DESI1: variants seen among roughly 807,000 people sequenced by gnomAD.
DESI1 encodes the protein PPPDE peptidase domain containing 2.
Under a neutral mutation model 22.4 loss-of-function variants are expected in DESI1, and 17 were observed. The observed-to-expected ratio is 0.76, with a 90% CI of 0.52 to 1.14. The LOEUF (loss-of-function observed/expected upper bound fraction) is 1.14, where lower values mean the gene tolerates loss of function less well. DESI1 is among the 50% of genes most tolerant of loss of function. DESI1 has a pLI of 0.00. For synonymous variants in DESI1, 92 were observed against 84.2 expected (o/e 1.09, Z -0.51); for missense variants, 177 against 208.9 (o/e 0.85, Z 0.94).
intron 1 of DESI1, among the ~76,000 whole-genome samples, chr22:41,612,196 G>A (rs1160493125): frequency 6.6e-6 from 1 of 152,078 alleles, no homozygotes; most frequent in Non-Finnish European, 1.5e-5. Flanking sequence ...AATAGTGAAT[G>A]GTATAGAACG....
chr22:41,607,954 A>G, intron 1 of DESI1, 93 bp from the exon 2 acceptor site: 1 of 1,441,372 alleles, frequency 6.9e-7, no homozygotes, highest in Non-Finnish European at 9.7e-7. Flanking sequence ...ACCCAGGGTA[A>G]CCTGTCATAA....
In DESI1 at chr22:41,620,804, G is replaced by T. The variant is rs375941833; in HGVS notation, c.36C>A (p.Tyr12Ter). Reference sequence around the variant, plus strand: ...CCAGGCCTTTGGACAGGTCGTACACGTAGAGCTTCACCGGATAGAGATTCG... The same window carrying T: ...CCAGGCCTTTGGACAGGTCGTACACTTAGAGCTTCACCGGATAGAGATTCG... ...EPPNLYPVKL[Y>*]VYDLSKGLAR... Residue 12 changes from tyrosine (Y) to a stop codon, truncating the protein, a stop_gained, in exon 1 of 6, where the codon TAC becomes TAA. Coordinates refer to ENST00000263256, the MANE Select transcript of DESI1 (RefSeq NM_015704.3). LOFTEE classifies it high-confidence loss of function. 5.6e-6 allele frequency: 9 copies of T among 1,612,812 alleles called. No homozygotes were observed. Among genetic ancestry groups the T allele is most frequent in the Non-Finnish European group, 6.8e-6 (8 of 1,179,422 alleles).
Position 41,602,477 on chromosome 22 carries a change from C to T in DESI1, c.413+782G>A, listed in dbSNP as rs942233296. The stretch of plus-strand genomic sequence containing the variant: ...TGCAAGCTCTTCCTGGGAGGTGCTT[C>T]CTCAGATATAAAAAACAGCCCACCT... On this transcript the variant is annotated intron_variant, in intron 5 of 5. Coordinates refer to ENST00000263256, the MANE Select transcript of DESI1 (RefSeq NM_015704.3). 2.0e-5 allele frequency: 20 copies of T among 985,332 alleles called. No homozygotes were observed. In the African/African-American group the frequency reaches 3.5e-4, roughly 17 times the overall value. The allele number at this position is 985,332 out of a possible 1,614,324, so 61.0% of individuals were successfully genotyped here.
At chr22:41,620,234 C>T (rs2067577647) in intron 1 of DESI1, among the ~76,000 whole-genome samples, 1 of 152,132 alleles carries the variant, frequency 6.6e-6, no homozygotes, top group Non-Finnish European at 1.5e-5. Flanking sequence ...GCTCTATCTC[C>T]CCCATCCCAC....
chr22:41,610,748 CT>C lies in DESI1; in HGVS notation c.89-2888del, dbSNP rs1439401634. On this transcript the variant is annotated intron_variant, in intron 1 of 5. Transcript: ENST00000263256. ...ATTAGCTGGGCGTGGTGGCAGGCGC[CT>C]GTAATCCCAGCTACTTGGGAGGCTG... is the stretch of plus-strand genomic sequence containing the variant. Among the ~76,000 whole-genome samples the C allele has an allele frequency of 2.0e-5, 3 of 152,044 alleles. No individual in the cohort carries two copies. The East Asian group carries it at 5.8e-4, about 29-fold the overall frequency.
chr22:41,600,887 G>T lies in DESI1; in HGVS notation c.*210C>A. On this transcript the variant is annotated 3_prime_UTR_variant, in exon 6 of 6. Transcript: ENST00000263256. Reference sequence around the variant, plus strand: ...CAGACAAGACAGCCTTAATAAATTAGTATAATACTATTAGAAGGGGTGGCA... The same window carrying T: ...CAGACAAGACAGCCTTAATAAATTATTATAATACTATTAGAAGGGGTGGCA... The T allele has an allele frequency of 1.8e-6, 1 of 560,000 alleles. No homozygotes were observed. The highest frequency in any genetic ancestry group is 3.2e-6 in the Non-Finnish European group (1 of 311,650). The allele number at this position is 560,000 out of a possible 1,614,324, so 34.7% of individuals were successfully genotyped here.
At position 41,601,064 on chromosome 22, in the gene DESI1, C is replaced by T. The variant is rs376183352; in HGVS notation, c.*33G>A. ...TTTGTTTTGTTTAAAAAGGAAAAGC[C>T]CTGGTGAGGCAGGGCGGTCCCAGGC... On this transcript the variant is annotated 3_prime_UTR_variant, in exon 6 of 6. Coordinates refer to ENST00000263256, the MANE Select transcript of DESI1 (RefSeq NM_015704.3). 3.2e-6 allele frequency: 5 copies of T among 1,582,912 alleles called. No individual in the cohort carries two copies. The highest frequency in any genetic ancestry group is 4.3e-6 in the Non-Finnish European group (5 of 1,154,926).
intron 1 of DESI1, among the ~76,000 whole-genome samples, chr22:41,613,561 G>A (rs953806939): frequency 6.6e-5 from 10 of 152,210 alleles, no homozygotes; most frequent in Non-Finnish European, 1.5e-5. Flanking sequence ...GTCCTGAGAT[G>A]TGACATGAAC....
intron 1 of DESI1, among the ~76,000 whole-genome samples, chr22:41,613,148 G>C (rs952977834): frequency 2.0e-5 from 3 of 151,950 alleles, no homozygotes; most frequent in African/African-American, 7.3e-5. Flanking sequence ...CCACATTTTA[G>C]GTATTCAATA....
intron 3 of DESI1, among the ~76,000 whole-genome samples, chr22:41,606,699 G>A (rs893639936): frequency 1.4e-5 from 2 of 143,524 alleles, no homozygotes; most frequent in Admixed American, 7.2e-5. Context: ...GCGCGAACCC[G>A]GGAGGCGGAG....
At chr22:41,608,225 A>C (rs1474896907) in intron 1 of DESI1, among the ~76,000 whole-genome samples, 1 of 152,198 alleles carries the variant, frequency 6.6e-6, no homozygotes, top group East Asian at 1.9e-4. Flanking sequence ...TTCTTCATTG[A>C]GGTGAAATCC....
intron 3 of DESI1, 87 bp from the exon 4 acceptor site, chr22:41,604,240 T>A: frequency 1.4e-4 from 90 of 642,780 alleles, no homozygotes; most frequent in Non-Finnish European, 2.0e-4. Context: ...CCACAAACAC[T>A]CTGTTCTGAC....
At chr22:41,616,462 T>G (rs955499299) in intron 1 of DESI1, among the ~76,000 whole-genome samples, 1 of 151,872 alleles carries the variant, frequency 6.6e-6, no homozygotes, top group Non-Finnish European at 1.5e-5. Context: ...ACGTGATGCA[T>G]GTACACGAAA....
chr22:41,619,689 C>T (rs1385330582), intron 1 of DESI1, among the ~76,000 whole-genome samples: 3 of 152,124 alleles, frequency 2.0e-5, no homozygotes, highest in African/African-American at 7.2e-5. Context: ...AGATTAAGTT[C>T]AATTCACTAC....
At chr22:41,608,782 A>G (rs2067497773) in intron 1 of DESI1, among the ~76,000 whole-genome samples, 1 of 152,158 alleles carries the variant, frequency 6.6e-6, no homozygotes, top group Admixed American at 6.5e-5. Context: ...GACCATCACA[A>G]GAGTCCATGA....
In DESI1 at chr22:41,604,226, T is replaced by C. The variant is rs2067465976; in HGVS notation, c.181-73A>G. ...AATGTTTTAATGTGGCTTCCCACAGTAGACCACAAACACTCTGTTCTGACT... is the reference window on the plus strand; with the variant it reads ...AATGTTTTAATGTGGCTTCCCACAGCAGACCACAAACACTCTGTTCTGACT... On this transcript the variant is annotated intron_variant, in intron 3 of 5. Coordinates refer to ENST00000263256, the MANE Select transcript of DESI1 (RefSeq NM_015704.3). The C allele has an allele frequency of 4.2e-6, 5 of 1,199,852 alleles. No individual in the cohort carries two copies. The East Asian group carries it at 1.0e-4, about 24-fold the overall frequency. The allele number at this position is 1,199,852 out of a possible 1,614,324, so 74.3% of individuals were successfully genotyped here.
rs895650955 is a variant in DESI1 at position 41,603,258 on chromosome 22, C to T, written c.413+1G>A. On this transcript the variant is annotated splice_donor_variant, in intron 5 of 5. Transcript: ENST00000263256. LOFTEE classifies it high-confidence loss of function. ...GGGGCAGGGACAGAGGCCACACTTA[C>T]GTGGAGAGAACTTCAGAGGGCAGGT... 3.1e-6 allele frequency: 5 copies of T among 1,614,140 alleles called. No homozygotes were observed. The highest frequency in any genetic ancestry group is 3.4e-6 in the Non-Finnish European group (4 of 1,180,004).
chr22:41,608,796 A>G (rs1488103831), intron 1 of DESI1, among the ~76,000 whole-genome samples: 2 of 152,124 alleles, frequency 1.3e-5, no homozygotes, highest in Non-Finnish European at 2.9e-5. Flanking sequence ...TCCATGAGAG[A>G]TACTCTACAG....
chr22:41,617,427 C>A (rs1022993660), intron 1 of DESI1, among the ~76,000 whole-genome samples: 1 of 152,176 alleles, frequency 6.6e-6, no homozygotes, highest in African/African-American at 2.4e-5. Context: ...TAATATACTT[C>A]TAGAATTCAT....
Sources: allele counts gnomAD v4.1 joint callset (sites outside exome capture counted in the v4.1 genomes callset), GRCh38; gene constraint gnomAD v4.1.1; transcripts MANE v1.5; gene names NCBI Gene and HGNC (gene_info 2026-07-23, HGNC 2026-07-21).